The following SPIDR variants were observed in gnomAD, a reference collection of about 807,000 sequenced individuals.
The protein encoded by SPIDR is scaffold protein involved in DNA repair.
SPIDR carries 93 observed loss-of-function variants against 104.6 expected under a neutral mutation model. The observed-to-expected ratio is 0.89, with a 90% confidence interval of 0.75 to 1.06. The LOEUF (loss-of-function observed/expected upper bound fraction) is 1.06. Ranked by LOEUF, SPIDR falls within the 50% of genes least tolerant of loss-of-function variation. The pLI is 0.00. For missense variants in SPIDR, 1,154 were observed against 1,111.2 expected, an observed-to-expected ratio of 1.04 and a Z score of -0.55; for synonymous variants, 431 against 416.9, an observed-to-expected ratio of 1.03 and a Z score of -0.41.
intron 8 of SPIDR, among the ~76,000 whole-genome samples, chr8:47,576,151 T>TTTTA (rs1014499391): frequency 1.3e-5 from 2 of 151,034 alleles, no homozygotes; most frequent in East Asian, 1.9e-4. Flanking sequence ...TTTATTTTTA[T>TTTTA]TTTATTTATT....
chr8:47,687,473 C>T (rs1480403304), intron 11 of SPIDR, among the ~76,000 whole-genome samples: 1 of 152,228 alleles, frequency 6.6e-6, no homozygotes, highest in Non-Finnish European at 1.5e-5. Flanking sequence ...CAAAGCAGTG[C>T]TGCAACACAC....
At chr8:47,591,509 A>T (rs913827287) in intron 8 of SPIDR, among the ~76,000 whole-genome samples, 1 of 151,930 alleles carries the variant, frequency 6.6e-6, no homozygotes, top group East Asian at 1.9e-4. Context: ...GATTTGCAGA[A>T]ATTTCCAGAC....
chr8:47,307,835 G>A (rs1042315124), intron 5 of SPIDR, among the ~76,000 whole-genome samples: 2 of 152,022 alleles, frequency 1.3e-5, no homozygotes, highest in Non-Finnish European at 2.9e-5. Flanking sequence ...CACTGTGCCC[G>A]CCCTAGTACT....
At chr8:47,275,807 A>G (rs1264431294) in intron 1 of SPIDR, among the ~76,000 whole-genome samples, 2 of 152,074 alleles carry the variant, frequency 1.3e-5, no homozygotes, top group Middle Eastern at 3.4e-3. Flanking sequence ...ACTTTTTTCT[A>G]TTTATTTTTT....
At chr8:47,526,812 C>T (rs2085063452) in intron 8 of SPIDR, among the ~76,000 whole-genome samples, 1 of 152,158 alleles carries the variant, frequency 6.6e-6, no homozygotes, top group Non-Finnish European at 1.5e-5. Flanking sequence ...GTTGAACAAA[C>T]TAAAAATCAA....
At chr8:47,363,478 A>G (rs2056542978) in intron 5 of SPIDR, among the ~76,000 whole-genome samples, 1 of 146,438 alleles carries the variant, frequency 6.8e-6, no homozygotes. Context: ...TACAGGCGTG[A>G]GCTACCACGC....
chr8:47,336,676 A>G (rs1373295728), intron 5 of SPIDR, among the ~76,000 whole-genome samples: 1 of 152,232 alleles, frequency 6.6e-6, no homozygotes, highest in Non-Finnish European at 1.5e-5. Flanking sequence ...TCCCTGAGGA[A>G]GGAACTCAGA....
At chr8:47,690,084 G>C (rs1348964519) in intron 11 of SPIDR, among the ~76,000 whole-genome samples, 1 of 152,100 alleles carries the variant, frequency 6.6e-6, no homozygotes. Context: ...GTGTCTATAA[G>C]AGATATGGGC....
At chr8:47,490,994 T>C (rs548679899) in intron 8 of SPIDR, among the ~76,000 whole-genome samples, 22 of 152,244 alleles carry the variant, frequency 1.4e-4, no homozygotes, top group Non-Finnish European at 2.9e-4. Context: ...TAAAGTATAA[T>C]AATAAAATAA....
intron 8 of SPIDR, among the ~76,000 whole-genome samples, chr8:47,563,026 T>C (rs1185723583): frequency 1.3e-5 from 2 of 151,550 alleles, no homozygotes; most frequent in African/African-American, 2.4e-5. Flanking sequence ...AACAGTACTT[T>C]ACTCTTTTCT....
At chr8:47,633,646 A>C (rs943581875) in intron 10 of SPIDR, among the ~76,000 whole-genome samples, 2 of 151,406 alleles carry the variant, frequency 1.3e-5, no homozygotes, top group Non-Finnish European at 2.9e-5. Context: ...CAAGACCAAC[A>C]TGGGCAACCT....
At chr8:47,466,903 AT>A (rs2074909540) in intron 8 of SPIDR, among the ~76,000 whole-genome samples, 5 of 95,324 alleles carry the variant, frequency 5.2e-5, no homozygotes, top group South Asian at 3.3e-4. Context: ...AAAAAAAAAT[AT>A]ATATATATAT....
At chr8:47,598,179 T>C (rs994892497) in intron 9 of SPIDR, among the ~76,000 whole-genome samples, 20 of 152,254 alleles carry the variant, frequency 1.3e-4, no homozygotes, top group Non-Finnish European at 2.8e-4. Context: ...ATTTTTGTCC[T>C]GTGACAGTGA....
intron 8 of SPIDR, among the ~76,000 whole-genome samples, chr8:47,584,334 AAT>A (rs1003306454): frequency 2.0e-5 from 3 of 152,192 alleles, no homozygotes; most frequent in African/African-American, 7.2e-5. Flanking sequence ...CAAGATTTCA[AAT>A]ATATGTTTAC....
chr8:47,278,552 A>C (rs2037069207), intron 1 of SPIDR, among the ~76,000 whole-genome samples: 1 of 151,914 alleles, frequency 6.6e-6, no homozygotes, highest in Non-Finnish European at 1.5e-5. Context: ...AATTTTTCTA[A>C]GGACAGTAAT....
In SPIDR at chr8:47,639,567, A is replaced by C. The variant is rs562525823; in HGVS notation, c.1545-34234A>C. Among the ~76,000 whole-genome samples the C allele has an allele frequency of 3.0e-3, 451 of 152,356 alleles. 3 individuals carry two copies. The highest frequency in any genetic ancestry group is 0.011 in the African/African-American group (441 of 41,582). On this transcript the variant is annotated intron_variant, in intron 10 of 19. Transcript: ENST00000297423. ...CCCTATAACTTCACTTCCACGTATC[A>C]AATATTAGATGTGGAATCTTCATAT... is the stretch of plus-strand genomic sequence containing the variant.
At position 47,358,391 on chromosome 8, in the gene SPIDR, TA is replaced by T. The variant is rs1229872069; in HGVS notation, c.526-37984del. Among the ~76,000 whole-genome samples, 5 of 152,356 alleles carry T rather than the reference TA, an allele frequency of 3.3e-5. No homozygotes were observed. The South Asian group carries it at 6.2e-4, about 19-fold the overall frequency. On this transcript the variant is annotated intron_variant, in intron 5 of 19. Transcript: ENST00000297423. Reference sequence around the variant, plus strand: ...ATGTGAGCCTCCTTGCCTGGTCATTTATTTTTTTTAATTTTTAAAGAAATAA... The same window carrying T: ...ATGTGAGCCTCCTTGCCTGGTCATTTTTTTTTTTAATTTTTAAAGAAATAA...
chr8:47,712,011 C>G (rs569148173), intron 14 of SPIDR, among the ~76,000 whole-genome samples: 1 of 152,314 alleles, frequency 6.6e-6, no homozygotes, highest in African/African-American at 2.4e-5. Flanking sequence ...TGGCCACATC[C>G]TCAGGCCCTG....
intron 7 of SPIDR, among the ~76,000 whole-genome samples, chr8:47,416,946 G>A (rs2064429881): frequency 6.6e-6 from 1 of 152,132 alleles, no homozygotes; most frequent in Non-Finnish European, 1.5e-5. Context: ...CCCTACAAAG[G>A]ACATGAACTC....
Sources: allele counts gnomAD v4.1 joint callset (sites outside exome capture counted in the v4.1 genomes callset), GRCh38; gene constraint gnomAD v4.1.1; transcripts MANE v1.5; gene names NCBI Gene and HGNC (gene_info 2026-07-23, HGNC 2026-07-21).